The following ALK variants were observed in gnomAD, a reference collection of about 807,000 sequenced individuals.
ALK encodes ALK receptor tyrosine kinase, also known as ALK tyrosine kinase receptor.
ALK carries 74 observed loss-of-function variants against 163.1 expected under a neutral mutation model. The observed-to-expected ratio is 0.45, with a 90% CI of 0.38 to 0.55. The LOEUF (loss-of-function observed/expected upper bound fraction) is 0.55, where lower values mean the gene tolerates loss of function less well. ALK is among the 20% of genes least tolerant of loss of function. The probability of loss-of-function intolerance (pLI) is 0.00; values close to 1 mark genes in which losing one functional copy is unlikely to be tolerated. For synonymous variants in ALK, 960 were observed against 843.2 expected (o/e 1.14, Z -2.40); for missense variants, 2,063 against 2,105.3 (o/e 0.98, Z 0.39).
intron 4 of ALK, among the ~76,000 whole-genome samples, chr2:29,415,353 T>G (rs530145551): frequency 6.6e-6 from 1 of 152,092 alleles, no homozygotes; most frequent in East Asian, 1.9e-4. Flanking sequence ...GTAGGCTGGG[T>G]TGGCATTCAA....
rs190066182 is a variant in ALK at position 29,310,383 on chromosome 2, A to G, written c.1647+7921T>C. On this transcript the variant is annotated intron_variant, in intron 8 of 28. Transcript: ENST00000389048. The stretch of plus-strand genomic sequence containing the variant: ...TAGGGAATCAATATTTGAAAACTAC[A>G]TCCTTAGTTGGCTTTATCGATACTA... 5.0e-4 allele frequency among the ~76,000 whole-genome samples: 76 copies of G among 152,334 alleles called. 1 individual carries two copies. The East Asian group carries it at 0.014, about 27-fold the overall frequency.
intron 4 of ALK, among the ~76,000 whole-genome samples, chr2:29,505,300 C>T (rs1242250634): frequency 1.3e-5 from 2 of 152,114 alleles, no homozygotes; most frequent in Non-Finnish European, 2.9e-5. Flanking sequence ...GTCCAGGGAC[C>T]TGCTGCTGTG....
intron 4 of ALK, among the ~76,000 whole-genome samples, chr2:29,475,074 T>C (rs74611004): frequency 0.029 from 4,338 of 152,194 alleles, 212 homozygotes; most frequent in African/African-American, 0.097. Flanking sequence ...CTCCACTCAC[T>C]CATCTTCCCT....
At chr2:29,587,533 C>A (rs1225523319) in intron 3 of ALK, among the ~76,000 whole-genome samples, 10 of 149,918 alleles carry the variant, frequency 6.7e-5, no homozygotes, top group Non-Finnish European at 1.3e-4. Flanking sequence ...CCCTAAAAAA[C>A]CCTTCTCTTT....
intron 1 of ALK, among the ~76,000 whole-genome samples, chr2:29,790,641 T>C (rs779193033): frequency 6.6e-6 from 1 of 152,190 alleles, no homozygotes; most frequent in Non-Finnish European, 1.5e-5. Flanking sequence ...TGGAATGCAA[T>C]GGCACGATCT....
intron 1 of ALK, among the ~76,000 whole-genome samples, chr2:29,749,155 G>A (rs1680284999): frequency 6.6e-6 from 1 of 152,090 alleles, no homozygotes; most frequent in African/African-American, 2.4e-5. Context: ...TCACCTGGAG[G>A]GCTTATTAAA....
chr2:29,378,033 G>A (rs1668800218), intron 5 of ALK, among the ~76,000 whole-genome samples: 2 of 152,230 alleles, frequency 1.3e-5, no homozygotes, highest in African/African-American at 4.8e-5. Flanking sequence ...GTAGGTTCCT[G>A]AAAGAGAAGA....
In ALK at chr2:29,920,312, G is replaced by A. The variant is rs575314773; in HGVS notation, c.348C>T (p.Ala116=). The A allele has an allele frequency of 7.7e-6, 12 of 1,558,776 alleles. No homozygotes were observed. The African/African-American group carries it at 1.4e-4, about 18-fold the overall frequency. The part of the protein sequence containing the change: ...PGVSWTAGSP[A]PAEARTLSRV... Reference sequence around the variant, plus strand: ...TGGACAGCGTCCGGGCCTCTGCCGGGGCTGGTGAACCGGCGGTCCAGGAGA... The same window carrying A: ...TGGACAGCGTCCGGGCCTCTGCCGGAGCTGGTGAACCGGCGGTCCAGGAGA... Residue 116 remains alanine (A), a synonymous_variant, in exon 1 of 29, where the codon GCC becomes GCT. Coordinates refer to ENST00000389048, the MANE Select transcript of ALK (RefSeq NM_004304.5).
At chr2:29,261,325 T>G (rs1205668619) in intron 11 of ALK, among the ~76,000 whole-genome samples, 1 of 152,144 alleles carries the variant, frequency 6.6e-6, no homozygotes, top group East Asian at 1.9e-4. Context: ...CTGTCAATAT[T>G]GTTCATGGGT....
chr2:29,566,526 G>A (rs1558387276), intron 3 of ALK, among the ~76,000 whole-genome samples: 1 of 152,184 alleles, frequency 6.6e-6, no homozygotes. Flanking sequence ...AAGAATGTGG[G>A]AGAACAAATT....
intron 3 of ALK, among the ~76,000 whole-genome samples, chr2:29,628,958 T>C (rs1009011324): frequency 6.6e-6 from 1 of 152,226 alleles, no homozygotes; most frequent in Non-Finnish European, 1.5e-5. Flanking sequence ...TCATTCTTTC[T>C]AAAGTAGAGA....
chr2:29,416,656 T>C (rs1401428053), intron 4 of ALK, among the ~76,000 whole-genome samples: 1 of 152,178 alleles, frequency 6.6e-6, no homozygotes, highest in Non-Finnish European at 1.5e-5. Flanking sequence ...CCCAGGATAT[T>C]AGATCAAGGC....
At chr2:29,780,349 T>C (rs901510576) in intron 1 of ALK, among the ~76,000 whole-genome samples, 1 of 152,144 alleles carries the variant, frequency 6.6e-6, no homozygotes, top group Non-Finnish European at 1.5e-5. Context: ...AGGTGATAAA[T>C]TCACCCAAGT....
At chr2:29,481,633 G>T (rs1205453128) in intron 4 of ALK, among the ~76,000 whole-genome samples, 1 of 152,166 alleles carries the variant, frequency 6.6e-6, no homozygotes, top group African/African-American at 2.4e-5. Context: ...AACTGGTGTT[G>T]AACACATCAT....
At chr2:29,745,630 T>C (rs1388382287) in intron 1 of ALK, among the ~76,000 whole-genome samples, 1 of 152,178 alleles carries the variant, frequency 6.6e-6, no homozygotes, top group East Asian at 1.9e-4. Context: ...GGACCCAGCT[T>C]AAATGTCACC....
rs1001922228 is a variant in ALK, at chr2:29,531,899, A to G, written c.1154+16T>C. ...ACCTGGTATAAAATCAATTTTGGACATGGAGAAGTACTTACCCATGCTTCC... is the reference window on the plus strand; with the variant it reads ...ACCTGGTATAAAATCAATTTTGGACGTGGAGAAGTACTTACCCATGCTTCC... On this transcript the variant is annotated intron_variant, in intron 4 of 28. Coordinates refer to ENST00000389048, the MANE Select transcript of ALK (RefSeq NM_004304.5). 1.2e-6 allele frequency: 2 copies of G among 1,613,818 alleles called. No homozygotes were observed. Among genetic ancestry groups the G allele is most frequent in the African/African-American group, 2.7e-5 (2 of 74,950 alleles).
intron 3 of ALK, among the ~76,000 whole-genome samples, chr2:29,535,900 T>G (rs1277725069): frequency 6.6e-6 from 1 of 152,200 alleles, no homozygotes; most frequent in Non-Finnish European, 1.5e-5. Flanking sequence ...ACCAACAGTT[T>G]TAATCGATTG....
At chr2:29,733,304 T>C (rs935065310) in intron 1 of ALK, among the ~76,000 whole-genome samples, 1 of 152,146 alleles carries the variant, frequency 6.6e-6, no homozygotes, top group African/African-American at 2.4e-5. Flanking sequence ...CCTTGTTTAA[T>C]AGAGATCTGT....
At chr2:29,406,639 C>T (rs748933034) in intron 4 of ALK, among the ~76,000 whole-genome samples, 6 of 152,238 alleles carry the variant, frequency 3.9e-5, no homozygotes, top group East Asian at 1.9e-4. Context: ...CGGTGGATCA[C>T]GCCTGTAATT....
Sources: gnomAD v4.1 joint callset for allele counts (sites outside exome capture counted in the v4.1 genomes callset) on GRCh38, gnomAD v4.1.1 for gene constraint, MANE v1.5 for transcripts, NCBI Gene and HGNC (gene_info 2026-07-23, HGNC 2026-07-21) for gene names.